RAP1GAP2: variants seen among roughly 807,000 people sequenced by gnomAD.
RAP1GAP2 encodes the protein RAP1 GTPase activating protein 2, also known as rap1 GTPase-activating protein 2.
In RAP1GAP2, 27 loss-of-function variants were observed where a neutral mutation model predicts 95.0. The observed-to-expected ratio is 0.28, with a 90% CI of 0.21 to 0.39. The LOEUF is 0.39. RAP1GAP2 is among the 10% of genes least tolerant of loss of function. The pLI, the probability that RAP1GAP2 is intolerant of heterozygous loss-of-function variation, is 1.00. For synonymous variants in RAP1GAP2, 373 were observed against 380.9 expected (o/e 0.98, Z 0.24); for missense variants, 771 against 970.0 (o/e 0.79, Z 2.72).
At chr17:2,969,496 CTTTTTT>C (rs34468461) in intron 8 of RAP1GAP2, among the ~76,000 whole-genome samples, 14 of 83,782 alleles carry the variant, frequency 1.7e-4, no homozygotes, top group Non-Finnish European at 2.1e-4. Context: ...TATATATATT[CTTTTTT>C]TTTTTTTTTT....
rs181521458 is a variant in RAP1GAP2 at position 2,905,384 on chromosome 17, T to C, written c.165+16T>C. On this transcript the variant is annotated intron_variant, in intron 3 of 24. Transcript: ENST00000254695. ...CACCATGAAGGTAAGAGGCTTCGAT[T>C]CAGGAAGGCAGGGAGGGGAGAGTGT... The C allele has an allele frequency of 5.6e-6, 9 of 1,611,508 alleles. No homozygotes were observed. In the African/African-American group the frequency reaches 8.0e-5, roughly 14 times the overall value.
At chr17:2,891,128 A>G (rs898468953) in intron 2 of RAP1GAP2, among the ~76,000 whole-genome samples, 2 of 150,738 alleles carry the variant, frequency 1.3e-5, no homozygotes, top group African/African-American at 4.9e-5. Context: ...TTTGTTTTCT[A>G]TGGACCTATC....
chr17:2,801,595 GTAT>G (rs1567660420), intron 2 of RAP1GAP2, among the ~76,000 whole-genome samples: 6 of 78,076 alleles, frequency 7.7e-5, no homozygotes, highest in African/African-American at 2.4e-4. Flanking sequence ...ACACTCCAGG[GTAT>G]GTGTGTGTGT....
intron 2 of RAP1GAP2, among the ~76,000 whole-genome samples, chr17:2,832,364 C>T (rs989225411): frequency 8.5e-4 from 128 of 151,452 alleles, no homozygotes; most frequent in Non-Finnish European, 2.7e-4. Flanking sequence ...CGAGATCATC[C>T]TGGCTAAAAC....
intron 2 of RAP1GAP2, among the ~76,000 whole-genome samples, chr17:2,890,527 A>T (rs1024277870): frequency 6.6e-6 from 1 of 152,058 alleles, no homozygotes; most frequent in Non-Finnish European, 1.5e-5. Flanking sequence ...ATTTCTTAGC[A>T]TGGATGGTTT....
chr17:2,985,119 A>C lies in RAP1GAP2; in HGVS notation c.813+53A>C, dbSNP rs1025048989. ...TGTATCCCGTGGTTTCTCACTTAGG[A>C]CTCTTTTTATCCCCACCCAGAACAC... On this transcript the variant is annotated intron_variant, in intron 11 of 24. Transcript: ENST00000254695. 11 of 1,608,522 alleles carry C rather than the reference A, an allele frequency of 6.8e-6. No individual in the cohort carries two copies. In the African/African-American group the frequency reaches 1.2e-4, roughly 18 times the overall value.
chr17:2,992,117 T>A (rs1274051825), intron 12 of RAP1GAP2, among the ~76,000 whole-genome samples: 3 of 150,970 alleles, frequency 2.0e-5, no homozygotes, highest in Non-Finnish European at 4.4e-5. Context: ...GAGGAGCTGA[T>A]GCAAATATAA....
intron 8 of RAP1GAP2, among the ~76,000 whole-genome samples, chr17:2,977,829 C>A (rs1428627554): frequency 6.7e-6 from 1 of 149,808 alleles, no homozygotes; most frequent in African/African-American, 2.5e-5. Context: ...ATATCAAAAC[C>A]TGGCAAGGGA....
chr17:2,912,159 C>T (rs1447819600), intron 3 of RAP1GAP2, among the ~76,000 whole-genome samples: 1 of 152,212 alleles, frequency 6.6e-6, no homozygotes, highest in Non-Finnish European at 1.5e-5. Flanking sequence ...GGTGTGCAGG[C>T]TTCCTATGGC....
At position 2,894,416 on chromosome 17, in the gene RAP1GAP2, C is replaced by T. The variant is rs951267028; in HGVS notation, c.81-10868C>T. ...CTGCTCTCCAGACTGGGTGACAGAG[C>T]GAGACTCCGTTTCAAAAACAAACAA... On this transcript the variant is annotated intron_variant, in intron 2 of 24. Coordinates refer to ENST00000254695, the MANE Select transcript of RAP1GAP2 (RefSeq NM_015085.5). Among the ~76,000 whole-genome samples, 22 of 152,256 alleles carry T rather than the reference C, an allele frequency of 1.4e-4. No individual in the cohort carries two copies. The East Asian group carries it at 4.1e-3, about 28-fold the overall frequency.
intron 3 of RAP1GAP2, among the ~76,000 whole-genome samples, chr17:2,955,717 A>G (rs1263454573): frequency 1.3e-5 from 2 of 151,884 alleles, no homozygotes; most frequent in Non-Finnish European, 2.9e-5. Context: ...TTTATTTGTT[A>G]TATGTCTTTA....
chr17:2,945,968 T>G (rs1413511472), intron 3 of RAP1GAP2, among the ~76,000 whole-genome samples: 1 of 152,024 alleles, frequency 6.6e-6, no homozygotes, highest in Non-Finnish European at 1.5e-5. Flanking sequence ...TTGTGTATAT[T>G]TTAGTAGAGA....
intron 3 of RAP1GAP2, among the ~76,000 whole-genome samples, chr17:2,918,432 CAAAAAAAAAAAAAAAA>C (rs533808717): frequency 1.5e-5 from 1 of 65,424 alleles, no homozygotes; most frequent in Non-Finnish European, 3.1e-5. Context: ...GACTCCATCT[CAAAAAAAAAAAAAAAA>C]AAAAAGAAAG....
At chr17:2,955,615 T>G (rs1420782075) in intron 3 of RAP1GAP2, among the ~76,000 whole-genome samples, 1 of 152,226 alleles carries the variant, frequency 6.6e-6, no homozygotes, top group Non-Finnish European at 1.5e-5. Flanking sequence ...CGTATTAACT[T>G]TTCTTTAAAC....
At chr17:2,891,395 C>T (rs896339780) in intron 2 of RAP1GAP2, among the ~76,000 whole-genome samples, 6 of 152,092 alleles carry the variant, frequency 3.9e-5, no homozygotes, top group Non-Finnish European at 5.9e-5. Flanking sequence ...CCCGCCTTGG[C>T]CTCCCAAAGT....
chr17:2,856,348 G>C (rs2072134856), intron 2 of RAP1GAP2, among the ~76,000 whole-genome samples: 1 of 152,212 alleles, frequency 6.6e-6, no homozygotes, highest in Non-Finnish European at 1.5e-5. Flanking sequence ...TGGTGTGATG[G>C]TAGATTTCAT....
chr17:2,821,940 C>T (rs2070323104), intron 2 of RAP1GAP2, among the ~76,000 whole-genome samples: 3 of 152,168 alleles, frequency 2.0e-5, no homozygotes, highest in African/African-American at 7.2e-5. Flanking sequence ...TGATGGATTA[C>T]GCACTGCAGA....
rs75259492 is a variant in RAP1GAP2, at chr17:3,036,745, T to C, written c.*3384T>C. The C allele has an allele frequency of 9.4e-3, 1,433 of 152,722 alleles. 31 individuals carry two copies. In the East Asian group the frequency reaches 0.1, roughly 11 times the overall value. The allele number at this position is 152,722 out of a possible 1,614,324, so 9.5% of individuals were successfully genotyped here. On this transcript the variant is annotated 3_prime_UTR_variant, in exon 25 of 25. Coordinates refer to ENST00000254695, the MANE Select transcript of RAP1GAP2 (RefSeq NM_015085.5). ...AGGAAAAGTGGTCAAAGAAAAACTC[T>C]TCATTTCTCCCTGATTCTTAAACGA... is the stretch of plus-strand genomic sequence containing the variant.
At chr17:2,829,640 C>A (rs563663591) in intron 2 of RAP1GAP2, among the ~76,000 whole-genome samples, 3 of 152,102 alleles carry the variant, frequency 2.0e-5, no homozygotes, top group East Asian at 1.9e-4. Flanking sequence ...AACAGAAGTA[C>A]GCTTCTGCCC....
Sources: allele counts gnomAD v4.1 joint callset (sites outside exome capture counted in the v4.1 genomes callset), GRCh38; gene constraint gnomAD v4.1.1; transcripts MANE v1.5; gene names NCBI Gene and HGNC (gene_info 2026-07-23, HGNC 2026-07-21).